RFX2: variants seen among roughly 807,000 people sequenced by gnomAD.
The protein encoded by RFX2 is DNA-binding protein RFX2.
Under a neutral mutation model 87.8 loss-of-function variants are expected in RFX2, and 20 were observed. The ratio of observed to expected loss-of-function variants is 0.23; its 90% CI spans 0.16 to 0.33. The LOEUF (loss-of-function observed/expected upper bound fraction) is 0.33. RFX2 is among the 10% of genes least tolerant of loss of function. RFX2 has a pLI of 1.00. For synonymous variants in RFX2, 397 were observed against 431.3 expected, an observed-to-expected ratio of 0.92 and a Z score of 0.98; for missense variants, 767 against 1,012.3, an observed-to-expected ratio of 0.76 and a Z score of 3.29.
At chr19:6,033,527 A>G (rs775997414) in intron 5 of RFX2, among the ~76,000 whole-genome samples, 2 of 151,108 alleles carry the variant, frequency 1.3e-5, no homozygotes, top group Non-Finnish European at 2.9e-5. Context: ...TAATCTTGTC[A>G]CTACAGGCAA....
chr19:6,013,622 T>TG lies in RFX2; in HGVS notation c.780-518dup, dbSNP rs2086687630. Reference sequence around the variant, plus strand: ...TATCACTTGACCTCCTGGGATCAAGTGATCCTCCTGCCTCAGCCTCTGAGT... The same window carrying TG: ...TATCACTTGACCTCCTGGGATCAAGTGGATCCTCCTGCCTCAGCCTCTGAGT... On this transcript the variant is annotated intron_variant, in intron 7 of 17. Transcript: ENST00000303657. The surrounding 1 kb of genome is among the most constrained non-coding windows in gnomAD (Gnocchi z 4.1). Among the ~76,000 whole-genome samples, 1 of 151,574 alleles carries TG rather than the reference T, an allele frequency of 6.6e-6. No individual in the cohort carries two copies. The highest frequency in any genetic ancestry group is 2.4e-5 in the African/African-American group (1 of 41,204).
intron 1 of RFX2, among the ~76,000 whole-genome samples, chr19:6,107,017 C>T (rs10416027): frequency 6.6e-6 from 1 of 151,488 alleles, no homozygotes; most frequent in African/African-American, 2.4e-5. Flanking sequence ...AGGTGCCGGC[C>T]GGGCGCGGTG....
rs147448315 is a variant in RFX2, at chr19:6,074,709, G to A, written c.-8-27205C>T. On this transcript the variant is annotated intron_variant, in intron 1 of 17. Transcript: ENST00000303657. This position sits in a 1 kb window ranked among gnomAD's most constrained non-coding sequence, Gnocchi z 5.2. The stretch of plus-strand genomic sequence containing the variant: ...CACAAGTGGAGTGCGGCATGGGCCA[G>A]GGGCAACAAGGTGACCTGGGGCAGT... Among the ~76,000 whole-genome samples the A allele has an allele frequency of 1.8e-4, 27 of 150,132 alleles. No individual in the cohort carries two copies. Among genetic ancestry groups the A allele is most frequent in the African/African-American group, 6.6e-4 (26 of 39,480 alleles).
intron 5 of RFX2, among the ~76,000 whole-genome samples, chr19:6,031,968 G>A (rs1345407562): frequency 5.3e-5 from 8 of 152,016 alleles, no homozygotes; most frequent in African/African-American, 1.5e-4. Context: ...ATGGAGACAC[G>A]AGACAGAGAG....
At chr19:6,097,956 G>C (rs2088053747) in intron 1 of RFX2, among the ~76,000 whole-genome samples, 1 of 152,054 alleles carries the variant, frequency 6.6e-6, no homozygotes, top group East Asian at 1.9e-4. Context: ...CCTTACTGAG[G>C]GCTGCTTTTT....
At chr19:6,069,995 TG>T in intron 1 of RFX2, among the ~76,000 whole-genome samples, 1 of 151,152 alleles carries the variant, frequency 6.6e-6, no homozygotes, top group Non-Finnish European at 1.5e-5. Flanking sequence ...ATGGATGGGA[TG>T]GGATGGGATG....
intron 1 of RFX2, among the ~76,000 whole-genome samples, chr19:6,102,800 T>C: frequency 6.6e-6 from 1 of 152,196 alleles, no homozygotes; most frequent in Non-Finnish European, 1.5e-5. Flanking sequence ...TTGTCTCTAC[T>C]GTTCAATTTT....
Position 5,997,029 on chromosome 19 carries a change from C to G in RFX2, c.2013+31G>C. On this transcript the variant is annotated intron_variant, in intron 16 of 17. Transcript: ENST00000303657. This position sits in a 1 kb window ranked among gnomAD's most constrained non-coding sequence, Gnocchi z 4.2. ...CCCTCTCCCCACAGGCCCGGCCAAG[C>G]CCCGGCCGTCCCACCCAGGAGGGTC... 2 of 1,588,086 alleles carry G rather than the reference C, an allele frequency of 1.3e-6. No individual in the cohort carries two copies. Among genetic ancestry groups the G allele is most frequent in the Non-Finnish European group, 8.5e-7 (1 of 1,169,706 alleles).
chr19:6,010,046 C>A lies in RFX2; in HGVS notation c.1015+90G>T. ...GTAAGAAAACTGTCGGAAGCAGACG[C>A]TTAGACACCACTGGTTCTGCTGGTG... On this transcript the variant is annotated intron_variant, in intron 9 of 17. Transcript: ENST00000303657. The surrounding 1 kb of genome is among the most constrained non-coding windows in gnomAD (Gnocchi z 5.0). The A allele has an allele frequency of 1.3e-6, 1 of 745,992 alleles. No homozygotes were observed. The highest frequency in any genetic ancestry group is 1.8e-5 in the South Asian group (1 of 54,608). 46.2% of individuals were successfully genotyped at this position (745,992 alleles called of 1,614,324 possible).
chr19:6,010,032 G>T lies in RFX2; in HGVS notation c.1015+104C>A. 1.7e-6 allele frequency: 1 copy of T among 605,362 alleles called. No individual in the cohort carries two copies. The highest frequency in any genetic ancestry group is 2.8e-6 in the Non-Finnish European group (1 of 357,782). 37.5% of individuals were successfully genotyped at this position (605,362 alleles called of 1,614,324 possible). A position where few individuals can be genotyped will look rare whatever the true frequency, so the allele number is the denominator to read the frequency against. ...CGAAAAGGTGTCTCGTAAGAAAACT[G>T]TCGGAAGCAGACGCTTAGACACCAC... On this transcript the variant is annotated intron_variant, in intron 9 of 17. Transcript: ENST00000303657. This position sits in a 1 kb window ranked among gnomAD's most constrained non-coding sequence, Gnocchi z 5.0.
chr19:6,001,402 C>A lies in RFX2; in HGVS notation c.1859+413G>T, dbSNP rs1342880100. Among the ~76,000 whole-genome samples the A allele has an allele frequency of 1.3e-5, 2 of 152,196 alleles. No individual in the cohort carries two copies. Among genetic ancestry groups the A allele is most frequent in the African/African-American group, 4.8e-5 (2 of 41,434 alleles). On this transcript the variant is annotated intron_variant, in intron 15 of 17. Coordinates refer to ENST00000303657, the MANE Select transcript of RFX2 (RefSeq NM_000635.4). The surrounding 1 kb of genome is among the most constrained non-coding windows in gnomAD (Gnocchi z 5.6). ...TCAGCCTCACAAGTATCTGGGACCA[C>A]AGGCACATGCCACCACGTCCAGCTA...
At chr19:6,009,569 C>T (rs760556826) in intron 9 of RFX2, among the ~76,000 whole-genome samples, 2 of 152,020 alleles carry the variant, frequency 1.3e-5, no homozygotes, top group Non-Finnish European at 2.9e-5. Context: ...GAATATCTAG[C>T]GTTCTTTCTT....
rs1418651405 is a variant in RFX2 at position 6,044,844 on chromosome 19, G to A, written c.91-562C>T. 6.6e-6 allele frequency among the ~76,000 whole-genome samples: 1 copy of A among 152,170 alleles called. No homozygotes were observed. The highest frequency in any genetic ancestry group is 1.5e-5 in the Non-Finnish European group (1 of 68,014). On this transcript the variant is annotated intron_variant, in intron 2 of 17. Coordinates refer to ENST00000303657, the MANE Select transcript of RFX2 (RefSeq NM_000635.4). This position sits in a 1 kb window ranked among gnomAD's most constrained non-coding sequence, Gnocchi z 5.3. Reference sequence around the variant, plus strand: ...TGCTGCCTCTGGCTACAGAATACTCGAGTCCAGGTGCCCTGTGTCTGGGTC... The same window carrying A: ...TGCTGCCTCTGGCTACAGAATACTCAAGTCCAGGTGCCCTGTGTCTGGGTC...
Position 6,007,305 on chromosome 19 carries a change from G to A in RFX2, c.1248-139C>T, listed in dbSNP as rs2086596733. On this transcript the variant is annotated intron_variant, in intron 11 of 17. Coordinates refer to ENST00000303657, the MANE Select transcript of RFX2 (RefSeq NM_000635.4). The surrounding 1 kb of genome is among the most constrained non-coding windows in gnomAD (Gnocchi z 8.2). The stretch of plus-strand genomic sequence containing the variant: ...GTTTTGCTCCCCATCCCTGAGCCTC[G>A]ATGGGTCCCCTCCCTCCATGTTGCT... 1.5e-5 allele frequency: 12 copies of A among 813,208 alleles called. No individual in the cohort carries two copies. The highest frequency in any genetic ancestry group is 5.4e-5 in the East Asian group (2 of 37,164). The allele number at this position is 813,208 out of a possible 1,614,324, so 50.4% of individuals were successfully genotyped here.
At chr19:6,030,558 A>G (rs965627481) in intron 5 of RFX2, among the ~76,000 whole-genome samples, 2 of 152,226 alleles carry the variant, frequency 1.3e-5, no homozygotes, top group African/African-American at 4.8e-5. Context: ...GCAAATCCCT[A>G]GAGACAGAAA....
chr19:6,038,781 A>C (rs2087059756), intron 5 of RFX2, among the ~76,000 whole-genome samples: 1 of 152,232 alleles, frequency 6.6e-6, no homozygotes, highest in East Asian at 1.9e-4. Flanking sequence ...GTACCACCAC[A>C]CATCTATTAG....
chr19:6,095,435 G>C (rs1338433415), intron 1 of RFX2, among the ~76,000 whole-genome samples: 2 of 152,154 alleles, frequency 1.3e-5, no homozygotes, highest in Non-Finnish European at 2.9e-5. Context: ...TGCATGGATG[G>C]GGTGAGAAAG....
At chr19:6,018,826 C>T (rs746388375) in intron 6 of RFX2, among the ~76,000 whole-genome samples, 2 of 152,224 alleles carry the variant, frequency 1.3e-5, no homozygotes, top group African/African-American at 4.8e-5. Context: ...AAGCTCCCCT[C>T]CAGCTCTGCT....
In RFX2 at chr19:6,064,036, T is replaced by C. The variant is rs1403842658; in HGVS notation, c.-8-16532A>G. On this transcript the variant is annotated intron_variant, in intron 1 of 17. Coordinates refer to ENST00000303657, the MANE Select transcript of RFX2 (RefSeq NM_000635.4). The surrounding 1 kb of genome is among the most constrained non-coding windows in gnomAD (Gnocchi z 4.8). ...TCTGGCTTCTTGGCCAGCCAGCCCT[T>C]CTTGAGAAAACAAAGTCTGGATCTA... is the stretch of plus-strand genomic sequence containing the variant. 6.6e-6 allele frequency among the ~76,000 whole-genome samples: 1 copy of C among 152,216 alleles called. No homozygotes were observed. Among genetic ancestry groups the C allele is most frequent in the Non-Finnish European group, 1.5e-5 (1 of 68,042 alleles).
Sources: gnomAD v4.1 joint callset for allele counts (sites outside exome capture counted in the v4.1 genomes callset) on GRCh38, gnomAD v4.1.1 for gene constraint, Gnocchi (gnomAD v3.1) non-coding constraint, MANE v1.5 for transcripts, NCBI Gene and HGNC (gene_info 2026-07-23, HGNC 2026-07-21) for gene names.